TCFL5: variants seen among roughly 807,000 people sequenced by gnomAD.
TCFL5 encodes the protein transcription factor like 5.
Under a neutral mutation model 44.3 loss-of-function variants are expected in TCFL5, and 9 were observed. The ratio of observed to expected loss-of-function variants is 0.20; its 90% CI spans 0.12 to 0.35. TCFL5 has a LOEUF of 0.35. Ranked by LOEUF, TCFL5 falls within the 10% of genes least tolerant of loss-of-function variation. TCFL5 has a pLI of 1.00. For missense variants in TCFL5, 603 were observed against 613.4 expected, an observed-to-expected ratio of 0.98 and a Z score of 0.18; for synonymous variants, 319 against 271.6, an observed-to-expected ratio of 1.17 and a Z score of -1.72.
In TCFL5 at chr20:62,842,255, G is replaced by A. The variant is rs1327559018; in HGVS notation, c.1381-158C>T. Among the ~76,000 whole-genome samples, 3 of 151,344 alleles carry A rather than the reference G, an allele frequency of 2.0e-5. No homozygotes were observed. Among genetic ancestry groups the A allele is most frequent in the African/African-American group, 4.9e-5 (2 of 40,936 alleles). On this transcript the variant is annotated intron_variant, in intron 5 of 5. Transcript: ENST00000335351. This position sits in a 1 kb window ranked among gnomAD's most constrained non-coding sequence, Gnocchi z 4.3. ...AAACTTGTGTCTTACCTCACAAGGG[G>A]ATTTATATAATAAACAGATTTTAAC...
At chr20:62,845,393 G>A (rs2063728379) in intron 5 of TCFL5, 1 of 1,199,054 alleles carries the variant, frequency 8.3e-7, no homozygotes, top group Non-Finnish European at 1.0e-6. Context: ...AAAGTGCTGG[G>A]ATTACAGGCG....
rs1288930747 is a variant in TCFL5, at chr20:62,842,463, T to C, written c.1381-366A>G. On this transcript the variant is annotated intron_variant, in intron 5 of 5. Transcript: ENST00000335351. The surrounding 1 kb of genome is among the most constrained non-coding windows in gnomAD (Gnocchi z 4.3). Reference sequence around the variant, plus strand: ...AGCGTGTGAGAGAAGGTAGAGTGTATATATTAAAACGTTTCAGGCCGGGCG... The same window carrying C: ...AGCGTGTGAGAGAAGGTAGAGTGTACATATTAAAACGTTTCAGGCCGGGCG... Among the ~76,000 whole-genome samples, 1 of 152,134 alleles carries C rather than the reference T, an allele frequency of 6.6e-6. No individual in the cohort carries two copies. Among genetic ancestry groups the C allele is most frequent in the East Asian group, 1.9e-4 (1 of 5,188 alleles).
chr20:62,860,260 A>G lies in TCFL5; in HGVS notation c.696T>C (p.Leu232=), dbSNP rs1423836053. The G allele has an allele frequency of 3.7e-6, 6 of 1,613,602 alleles. No individual in the cohort carries two copies. The highest frequency in any genetic ancestry group is 5.1e-6 in the Non-Finnish European group (6 of 1,179,666). The part of the protein sequence containing the change: ...RHPSELMNVP[L]QQQNKCTALV... ...ATGCTGTACATTTGTTTTGTTGCTG[A>G]AGAGGAACATTCATTAGTTCAGATG... The change falls in exon 2 of 6, where the codon CTT becomes CTC. Residue 232 remains leucine (L), a synonymous_variant. Transcript: ENST00000335351.
rs779698049 is a variant in TCFL5 at position 62,861,719 on chromosome 20, CGGCGGGAGGCGGGAGGCGGGA to C, written c.-70_-50del. On this transcript the variant is annotated 5_prime_UTR_variant, in exon 1 of 6. Coordinates refer to ENST00000335351, the MANE Select transcript of TCFL5 (RefSeq NM_006602.4). The surrounding 1 kb of genome is among the most constrained non-coding windows in gnomAD (Gnocchi z 4.0). ...CGGCGAGGGCGACGCGGGCGGCGGG[CGGCGGGAGGCGGGAGGCGGGA>C]GGCGGGAGGCGACCCCCGGCCCGAG... is the stretch of plus-strand genomic sequence containing the variant. 9 of 135,364 alleles carry C rather than the reference CGGCGGGAGGCGGGAGGCGGGA, an allele frequency of 6.6e-5. No homozygotes were observed. The highest frequency in any genetic ancestry group is 2.4e-4 in the African/African-American group (8 of 33,614). 8.4% of individuals were successfully genotyped at this position (135,364 alleles called of 1,614,324 possible). A position where few individuals can be genotyped will look rare whatever the true frequency, so the allele number is the denominator to read the frequency against.
chr20:62,858,885 GCAGCAGTGCCTT>G (rs1033533918), intron 3 of TCFL5, among the ~76,000 whole-genome samples: 43 of 152,000 alleles, frequency 2.8e-4, no homozygotes, highest in African/African-American at 9.2e-4. Flanking sequence ...GCAGGTTAGC[GCAGCAGTGCCTT>G]CAGCAGTGAC....
intron 5 of TCFL5, chr20:62,845,292 T>C (rs1315261433): frequency 2.4e-6 from 2 of 824,446 alleles, no homozygotes; most frequent in Non-Finnish European, 3.0e-6. Context: ...CGGCTAATTT[T>C]TGTATTTTTA....
intron 5 of TCFL5, among the ~76,000 whole-genome samples, chr20:62,847,653 G>A (rs1490946727): frequency 6.6e-6 from 1 of 152,228 alleles, no homozygotes; most frequent in African/African-American, 2.4e-5. Flanking sequence ...CCACGAACAA[G>A]CTACAAACGC....
chr20:62,842,233 C>T lies in TCFL5; in HGVS notation c.1381-136G>A. 1.8e-6 allele frequency: 2 copies of T among 1,138,196 alleles called. No homozygotes were observed. Among genetic ancestry groups the T allele is most frequent in the Non-Finnish European group, 2.5e-6 (2 of 814,202 alleles). The allele number at this position is 1,138,196 out of a possible 1,614,324, so 70.5% of individuals were successfully genotyped here. ...GCTGTTTTAAGGTGTCATTCACAAA[C>T]TTGTGTCTTACCTCACAAGGGGATT... is the stretch of plus-strand genomic sequence containing the variant. On this transcript the variant is annotated intron_variant, in intron 5 of 5. Transcript: ENST00000335351. This position sits in a 1 kb window ranked among gnomAD's most constrained non-coding sequence, Gnocchi z 4.3.
rs192368459 is a variant in TCFL5, at chr20:62,846,619, C to T, written c.1381-4522G>A. ...GAACATGAGAAGAATAACAACAAGA[C>T]GGGTGCGGTGGTGAGGGGCGCCTAC... is the stretch of plus-strand genomic sequence containing the variant. On this transcript the variant is annotated intron_variant, in intron 5 of 5. Coordinates refer to ENST00000335351, the MANE Select transcript of TCFL5 (RefSeq NM_006602.4). 1.2e-3 allele frequency among the ~76,000 whole-genome samples: 188 copies of T among 151,988 alleles called. 2 individuals carry two copies. Among genetic ancestry groups the T allele is most frequent in the African/African-American group, 4.3e-3 (179 of 41,456 alleles).
chr20:62,845,745 T>C, intron 5 of TCFL5: 1 of 1,606,436 alleles, frequency 6.2e-7, no homozygotes, highest in East Asian at 2.2e-5. Context: ...TCCCTGCCCA[T>C]GCGGAGATAA....
At position 62,841,778 on chromosome 20, in the gene TCFL5, A is replaced by G; in HGVS notation, c.*197T>C. The G allele has an allele frequency of 2.0e-6, 1 of 504,006 alleles. No individual in the cohort carries two copies. 31.2% of individuals were successfully genotyped at this position (504,006 alleles called of 1,614,324 possible). A position where few individuals can be genotyped will look rare whatever the true frequency, so the allele number is the denominator to read the frequency against. On this transcript the variant is annotated 3_prime_UTR_variant, in exon 6 of 6. Coordinates refer to ENST00000335351, the MANE Select transcript of TCFL5 (RefSeq NM_006602.4). ...CTTCATCCCCAAATGGTCTAAGAGGACATTCATGGATAAGCATTTGCGTCT... is the reference window on the plus strand; with the variant it reads ...CTTCATCCCCAAATGGTCTAAGAGGGCATTCATGGATAAGCATTTGCGTCT...
intron 3 of TCFL5, 111 bp from the exon 4 acceptor site, chr20:62,857,749 GCA>G: frequency 2.3e-6 from 3 of 1,324,862 alleles, no homozygotes; most frequent in Admixed American, 2.5e-5. Flanking sequence ...TGGGTAAGCA[GCA>G]CAGAGAACCG....
In TCFL5 at chr20:62,861,261, G is replaced by A. The variant is rs1303190614; in HGVS notation, c.410C>T (p.Ala137Val). The A allele has an allele frequency of 1.7e-6, 2 of 1,204,762 alleles. No individual in the cohort carries two copies. Among genetic ancestry groups the A allele is most frequent in the Non-Finnish European group, 2.1e-6 (2 of 952,050 alleles). 74.6% of individuals were successfully genotyped at this position (1,204,762 alleles called of 1,614,324 possible). A position where few individuals can be genotyped will look rare whatever the true frequency, so the allele number is the denominator to read the frequency against. ...GCCCGACGTCTTCTCCGCCGCGCCC[G>A]CCTCGCTTAGCAGCATCATGCGCAG... ...QELRMMLLSEAGAAEKTSGGG... is the reference protein window; with the variant it reads ...QELRMMLLSEVGAAEKTSGGG... Residue 137 changes from alanine (A) to valine (V), a missense_variant, in exon 1 of 6, where the codon GCG becomes GTG. Transcript: ENST00000335351. This position sits in a 1 kb window ranked among gnomAD's most constrained non-coding sequence, Gnocchi z 4.0.
intron 5 of TCFL5, chr20:62,851,898 C>G (rs942341713): frequency 1.6e-5 from 14 of 896,610 alleles, no homozygotes; most frequent in Non-Finnish European, 1.9e-5. Flanking sequence ...CAACCTCCGC[C>G]TCCCGGGTTC....
intron 5 of TCFL5, chr20:62,852,405 C>T (rs968591485): frequency 2.0e-5 from 20 of 984,480 alleles, no homozygotes; most frequent in Non-Finnish European, 2.4e-5. Flanking sequence ...AACTGGGGTC[C>T]CCCCAAGGCA....
intron 5 of TCFL5, among the ~76,000 whole-genome samples, chr20:62,847,679 G>A (rs1476858956): frequency 2.6e-5 from 4 of 152,244 alleles, no homozygotes; most frequent in African/African-American, 9.6e-5. Context: ...CTGCAGCCGA[G>A]AGGCCCTCCA....
chr20:62,847,403 A>T (rs1035337809), intron 5 of TCFL5, among the ~76,000 whole-genome samples: 20 of 152,210 alleles, frequency 1.3e-4, no homozygotes, highest in African/African-American at 4.8e-4. Context: ...TAATAAAGAT[A>T]AGAGCAAATT....
Position 62,857,791 on chromosome 20 carries a change from T to C in TCFL5, c.995-153A>G, listed in dbSNP as rs1286336527. ...ACAAAGAGATGTACTAATGCAGTTT[T>C]TCAGCATCAGCAGGGACCATGAAGC... On this transcript the variant is annotated intron_variant, in intron 3 of 5. Transcript: ENST00000335351. Among the ~76,000 whole-genome samples, 5 of 152,220 alleles carry C rather than the reference T, an allele frequency of 3.3e-5. No homozygotes were observed. The East Asian group carries it at 9.6e-4, about 29-fold the overall frequency.
At chr20:62,853,935 T>C in intron 5 of TCFL5, 81 bp downstream of exon 5, 1 of 1,464,358 alleles carries the variant, frequency 6.8e-7, no homozygotes, top group Non-Finnish European at 9.4e-7. Flanking sequence ...AAGGATAGTT[T>C]GAGTTATCCT....
Sources: allele counts gnomAD v4.1 joint callset (sites outside exome capture counted in the v4.1 genomes callset), GRCh38; gene constraint gnomAD v4.1.1; non-coding constraint Gnocchi (gnomAD v3.1); transcripts MANE v1.5; gene names NCBI Gene and HGNC (gene_info 2026-07-23, HGNC 2026-07-21).